Variants in VSNL1 observed in about 807,000 individuals in gnomAD.
VSNL1 encodes the protein visinin like 1, also known as visinin-like protein 1.
In VSNL1, 6 loss-of-function variants were observed where a neutral mutation model predicts 20.4. The observed-to-expected ratio is 0.29, with a 90% confidence interval of 0.16 to 0.58. VSNL1 has a LOEUF of 0.58. Ranked by LOEUF, VSNL1 falls within the 20% of genes least tolerant of loss-of-function variation. VSNL1 has a pLI of 0.90. For synonymous variants in VSNL1, 93 were observed against 86.4 expected (o/e 1.08, Z -0.42); for missense variants, 100 against 234.5 (o/e 0.43, Z 3.75).
intron 2 of VSNL1, among the ~76,000 whole-genome samples, chr2:17,632,343 C>T (rs1358378380): frequency 6.7e-6 from 1 of 150,044 alleles, no homozygotes; most frequent in East Asian, 2.0e-4. Flanking sequence ...TGCTGTCGCC[C>T]AGGCTGGAGT....
At chr2:17,639,948 T>G (rs1204681693) in intron 2 of VSNL1, among the ~76,000 whole-genome samples, 1 of 152,216 alleles carries the variant, frequency 6.6e-6, no homozygotes, top group Middle Eastern at 3.2e-3. Flanking sequence ...CTGTCCCATT[T>G]TTTGTATGAA....
chr2:17,578,943 A>G (rs547829762), intron 1 of VSNL1, among the ~76,000 whole-genome samples: 1 of 152,262 alleles, frequency 6.6e-6, no homozygotes, highest in Admixed American at 6.5e-5. Flanking sequence ...AAGAAGGAAC[A>G]CTTGGTTGTG....
At chr2:17,612,563 C>T (rs952849126) in intron 2 of VSNL1, among the ~76,000 whole-genome samples, 1 of 152,124 alleles carries the variant, frequency 6.6e-6, no homozygotes, top group Non-Finnish European at 1.5e-5. Context: ...ACAGAAGAGG[C>T]CAGGGAAGGA....
At chr2:17,553,747 T>C (rs940762406) in intron 1 of VSNL1, among the ~76,000 whole-genome samples, 35 of 152,248 alleles carry the variant, frequency 2.3e-4, no homozygotes, top group African/African-American at 8.4e-4. Flanking sequence ...CCCAGTCTTA[T>C]TTGTTAAATG....
At chr2:17,622,504 AAAAAAGAAAGAAAG>A (rs1169453507) in intron 2 of VSNL1, among the ~76,000 whole-genome samples, 2 of 147,282 alleles carry the variant, frequency 1.4e-5, no homozygotes, top group Admixed American at 6.9e-5. Context: ...TCTCAAAAAA[AAAAAAGAAAGAAAG>A]AAAAGAAAGA....
chr2:17,627,885 G>A (rs941785037), intron 2 of VSNL1, among the ~76,000 whole-genome samples: 1 of 152,204 alleles, frequency 6.6e-6, no homozygotes, highest in African/African-American at 2.4e-5. Context: ...TTTTTGGGAA[G>A]GGCTATTATA....
chr2:17,648,667 G>C (rs1471399689), intron 2 of VSNL1, among the ~76,000 whole-genome samples: 1 of 152,186 alleles, frequency 6.6e-6, no homozygotes, highest in East Asian at 1.9e-4. Flanking sequence ...ATGTCCAAGG[G>C]GACTGAGGCC....
chr2:17,638,458 TC>T (rs1212812395), intron 2 of VSNL1, among the ~76,000 whole-genome samples: 2 of 152,170 alleles, frequency 1.3e-5, no homozygotes, highest in Non-Finnish European at 2.9e-5. Flanking sequence ...GGGAGCCAAC[TC>T]CCTCGTTGCA....
chr2:17,564,803 A>G (rs1484734870), intron 1 of VSNL1, among the ~76,000 whole-genome samples: 1 of 152,234 alleles, frequency 6.6e-6, no homozygotes, highest in Admixed American at 6.5e-5. Flanking sequence ...CAAGTAAACA[A>G]ATAGTTGCAA....
At chr2:17,605,593 C>T (rs1231772025) in intron 2 of VSNL1, among the ~76,000 whole-genome samples, 1 of 152,182 alleles carries the variant, frequency 6.6e-6, no homozygotes, top group Middle Eastern at 3.2e-3. Context: ...ACAATTTTCC[C>T]TCAACAAAAC....
At chr2:17,564,251 C>T (rs1663884294) in intron 1 of VSNL1, among the ~76,000 whole-genome samples, 4 of 152,120 alleles carry the variant, frequency 2.6e-5, no homozygotes, top group Admixed American at 2.6e-4. Context: ...GGTCTGGCAA[C>T]CACTTTGTGC....
chr2:17,615,159 A>T (rs1665186531), intron 2 of VSNL1, among the ~76,000 whole-genome samples: 1 of 152,176 alleles, frequency 6.6e-6, no homozygotes, highest in African/African-American at 2.4e-5. Context: ...TAATAGAAAG[A>T]TGTGCAGAAT....
chr2:17,544,474 C>A (rs776388058), intron 1 of VSNL1, among the ~76,000 whole-genome samples: 2 of 152,134 alleles, frequency 1.3e-5, no homozygotes, highest in Non-Finnish European at 2.9e-5. Flanking sequence ...TGAATCACCT[C>A]CCCATTACAT....
chr2:17,603,913 C>T (rs561807546), intron 2 of VSNL1, among the ~76,000 whole-genome samples: 4 of 152,088 alleles, frequency 2.6e-5, no homozygotes, highest in Non-Finnish European at 4.4e-5. Context: ...GACTTAGAGC[C>T]CAAGATGACT....
In VSNL1 at chr2:17,655,060, G is replaced by T. The variant is rs575596021; in HGVS notation, c.379-137G>T. 4 of 774,386 alleles carry T rather than the reference G, an allele frequency of 5.2e-6. No homozygotes were observed. Among genetic ancestry groups the T allele is most frequent in the Admixed American group, 2.6e-5 (1 of 37,784 alleles). The allele number at this position is 774,386 out of a possible 1,614,324, so 48.0% of individuals were successfully genotyped here. A position where few individuals can be genotyped will look rare whatever the true frequency, so the allele number is the denominator to read the frequency against. On this transcript the variant is annotated intron_variant, in intron 3 of 3. Transcript: ENST00000295156. This position sits in a 1 kb window ranked among gnomAD's most constrained non-coding sequence, Gnocchi z 5.2. ...TTGTCACAGAAACTTGCAGCACAAGGAGTGAAACTCCTCTGGGGAAAGGGA... is the reference window on the plus strand; with the variant it reads ...TTGTCACAGAAACTTGCAGCACAAGTAGTGAAACTCCTCTGGGGAAAGGGA...
chr2:17,588,776 C>A (rs1664532924), intron 1 of VSNL1, among the ~76,000 whole-genome samples: 1 of 152,122 alleles, frequency 6.6e-6, no homozygotes, highest in Non-Finnish European at 1.5e-5. Context: ...AATATTTCTC[C>A]CATCTGCCAA....
chr2:17,616,980 G>C (rs868504448), intron 2 of VSNL1, among the ~76,000 whole-genome samples: 10 of 152,172 alleles, frequency 6.6e-5, no homozygotes, highest in African/African-American at 2.4e-4. Context: ...CGTCCCTTGG[G>C]GGGTTGGCCG....
At chr2:17,546,843 T>A (rs1381511990) in intron 1 of VSNL1, among the ~76,000 whole-genome samples, 1 of 152,066 alleles carries the variant, frequency 6.6e-6, no homozygotes, top group Non-Finnish European at 1.5e-5. Context: ...ATCAATTTTG[T>A]TAATTCCAGA....
Position 17,649,657 on chromosome 2 carries a change from G to C in VSNL1, c.378+32G>C. 1.2e-6 allele frequency: 2 copies of C among 1,609,586 alleles called. No individual in the cohort carries two copies. On this transcript the variant is annotated intron_variant, in intron 3 of 3. Coordinates refer to ENST00000295156, the MANE Select transcript of VSNL1 (RefSeq NM_003385.5). This position sits in a 1 kb window ranked among gnomAD's most constrained non-coding sequence, Gnocchi z 6.4. ...CCCGGGGTGTGGTTGGCGGGTGGTG[G>C]GCACAGAAGGAGACCCCACGGCAGC... is the stretch of plus-strand genomic sequence containing the variant.
Sources: gnomAD v4.1 joint callset for allele counts (sites outside exome capture counted in the v4.1 genomes callset) on GRCh38, gnomAD v4.1.1 for gene constraint, Gnocchi (gnomAD v3.1) non-coding constraint, MANE v1.5 for transcripts, NCBI Gene and HGNC (gene_info 2026-07-23, HGNC 2026-07-21) for gene names.